Variants in DDIT3 observed in about 807,000 individuals in gnomAD.
The protein encoded by DDIT3 is DNA damage-inducible transcript 3 protein.
Under a neutral mutation model 17.6 loss-of-function variants are expected in DDIT3, and 14 were observed. The ratio of observed to expected loss-of-function variants is 0.80; its 90% CI spans 0.53 to 1.25. DDIT3 has a LOEUF of 1.25. DDIT3 is among the 50% of genes most tolerant of loss of function. The pLI is 0.00. For missense variants in DDIT3, 216 were observed against 202.7 expected (o/e 1.07, Z -0.40); for synonymous variants, 93 against 76.5 (o/e 1.22, Z -1.13).
chr12:57,517,143 G>A lies in DDIT3; in HGVS notation c.176C>T (p.Ser59Phe). The change falls in exon 4 of 4, where the codon TCT becomes TTT. Residue 59 changes from serine (S) to phenylalanine (F), a missense_variant. Transcript: ENST00000346473. The stretch of plus-strand genomic sequence containing the variant: ...CTCCTCCTCAGTCAGCCAAGCCAGA[G>A]AAGCAGGGTCAAGAGTGGTGAAGAT... ...SKIFTTLDPA[S>F]LAWLTEEEPE... 6.2e-7 allele frequency: 1 copy of A among 1,612,014 alleles called. No individual in the cohort carries two copies.
rs749543200 is a variant in DDIT3, at chr12:57,517,298, T to C, written c.109A>G (p.Thr37Ala). 3 of 1,614,080 alleles carry C rather than the reference T, an allele frequency of 1.9e-6. No homozygotes were observed. Among genetic ancestry groups the C allele is most frequent in the Non-Finnish European group, 2.5e-6 (3 of 1,179,998 alleles). The change falls in exon 3 of 4, where the codon ACC becomes GCC. Residue 37 changes from threonine (T) to alanine (A), a missense_variant. Physicochemically the swap from Thr to Ala is moderately conservative, Grantham distance 58. Transcript: ENST00000346473. ...EVLSSDENGG[T>A]YVSPPGNEEE... ...TCATTTCCAGGAGGTGAAACATAGGTACCCCCATTTTCATCTGAAGACAGG... is the reference window on the plus strand; with the variant it reads ...TCATTTCCAGGAGGTGAAACATAGGCACCCCCATTTTCATCTGAAGACAGG...
In DDIT3 at chr12:57,516,772, A is replaced by C; in HGVS notation, c.*37T>G. On this transcript the variant is annotated 3_prime_UTR_variant, in exon 4 of 4. Coordinates refer to ENST00000346473, the MANE Select transcript of DDIT3 (RefSeq NM_004083.6). ...GTAGCCACTTCTGGGAAAGGTGGGT[A>C]GTGTGGCCCAAGTGGGGGACTGATG... 1 of 1,593,206 alleles carries C rather than the reference A, an allele frequency of 6.3e-7. No homozygotes were observed. The highest frequency in any genetic ancestry group is 8.5e-7 in the Non-Finnish European group (1 of 1,171,396).
rs1006328539 is a variant in DDIT3, at chr12:57,518,667, T to A, written c.-80-914A>T. ...AAAGTACTAGCAAATTTTAACTCAT[T>A]CCTTTTTTTCTGAGACGGGTCTCAC... On this transcript the variant is annotated intron_variant, in intron 1 of 3. Transcript: ENST00000346473. Among the ~76,000 whole-genome samples, 3 of 152,150 alleles carry A rather than the reference T, an allele frequency of 2.0e-5. No individual in the cohort carries two copies. The East Asian group carries it at 5.8e-4, about 29-fold the overall frequency.
At position 57,516,602 on chromosome 12, in the gene DDIT3, G is replaced by A. The variant is rs1877854369; in HGVS notation, c.*207C>T. 10 of 1,556,880 alleles carry A rather than the reference G, an allele frequency of 6.4e-6. No individual in the cohort carries two copies. The South Asian group carries it at 1.2e-4, about 19-fold the overall frequency. On this transcript the variant is annotated 3_prime_UTR_variant, in exon 4 of 4. Coordinates refer to ENST00000346473, the MANE Select transcript of DDIT3 (RefSeq NM_004083.6). ...AGTAAAAGACCTTGGCTCATAGAAA[G>A]TCACTTTAATAGATAGGGACAGTAA...
chr12:57,517,055 GCT>G lies in DDIT3; in HGVS notation c.262_263del (p.Ser88LeufsTer40). The part of the protein sequence containing the change: ...QSPHSPDSSQ[S>X]SLAQEEEEED... ...CCTCCTCTTCCTCCTGAGCCAGGGA[GCT>G]CTGACTGGAATCTGGAGAGTGAGGG... On this transcript the variant is annotated frameshift_variant, in exon 4 of 4. Transcript: ENST00000346473. LOFTEE classifies it high-confidence loss of function. 1 of 1,614,174 alleles carries G rather than the reference GCT, an allele frequency of 6.2e-7. No individual in the cohort carries two copies. The highest frequency in any genetic ancestry group is 8.5e-7 in the Non-Finnish European group (1 of 1,180,034).
chr12:57,517,649 T>A, intron 2 of DDIT3, 57 bp downstream of exon 2: 1 of 610,020 alleles, frequency 1.6e-6, no homozygotes, highest in Non-Finnish European at 2.9e-6. Context: ...TTTTAACATC[T>A]AAAATATTTA....
rs1231434103 is a variant in DDIT3 at position 57,516,922 on chromosome 12, G to C, written c.397C>G (p.Gln133Glu). Residue 133 changes from glutamine to glutamate, a missense_variant, in exon 4 of 4, where the codon CAG becomes GAG. By Grantham distance (29) the Gln-to-Glu change is conservative. Coordinates refer to ENST00000346473, the MANE Select transcript of DDIT3 (RefSeq NM_004083.6). ...AGCCGTTCATTCTCTTCAGCTAGCT[G>C]TGCCACTTTCCTTTCATTCTCCTGT... ...KEQENERKVA[Q>E]LAEENERLKQ... is the part of the protein sequence containing the mutation. 1.2e-6 allele frequency: 2 copies of C among 1,614,144 alleles called. No homozygotes were observed. The highest frequency in any genetic ancestry group is 2.2e-5 in the South Asian group (2 of 91,080).
intron 2 of DDIT3, 25 bp from the exon 3 acceptor site, chr12:57,517,463 G>A: frequency 6.3e-7 from 1 of 1,600,000 alleles, no homozygotes; most frequent in Non-Finnish European, 8.5e-7. Context: ...GGAGTGGCTG[G>A]AACAAGCTCC....
At chr12:57,520,133 T>C (rs1878191481) in intron 1 of DDIT3, among the ~76,000 whole-genome samples, 1 of 152,210 alleles carries the variant, frequency 6.6e-6, no homozygotes, top group South Asian at 2.1e-4. Context: ...CGATGAGGCC[T>C]GAAGTTGGCT....
chr12:57,518,730 C>G (rs1020761885), intron 1 of DDIT3, among the ~76,000 whole-genome samples: 1 of 152,196 alleles, frequency 6.6e-6, no homozygotes, highest in Non-Finnish European at 1.5e-5. Flanking sequence ...GCGCAATCGG[C>G]TCACTGCAAC....
intron 1 of DDIT3, among the ~76,000 whole-genome samples, chr12:57,519,895 A>G (rs936273056): frequency 2.6e-5 from 4 of 152,198 alleles, no homozygotes; most frequent in Non-Finnish European, 5.9e-5. Flanking sequence ...CACCCCTCCC[A>G]AAGGCTTGTG....
intron 1 of DDIT3, among the ~76,000 whole-genome samples, 164 bp downstream of exon 1, chr12:57,520,254 G>A (rs562119822): frequency 1.2e-4 from 19 of 152,182 alleles, no homozygotes; most frequent in Non-Finnish European, 2.5e-4. Context: ...GTCGTCCGAA[G>A]CAATAGGGGT....
chr12:57,517,328 C>T lies in DDIT3; in HGVS notation c.79G>A (p.Glu27Lys). 1 of 1,614,028 alleles carries T rather than the reference C, an allele frequency of 6.2e-7. No individual in the cohort carries two copies. Among genetic ancestry groups the T allele is most frequent in the Non-Finnish European group, 8.5e-7 (1 of 1,179,990 alleles). ...CCATTTTCATCTGAAGACAGGACCT[C>T]TTGCAGGTCCTCATACCAGGCTTCC... is the stretch of plus-strand genomic sequence containing the variant. The part of the protein sequence containing the change: ...ELEAWYEDLQ[E>K]VLSSDENGGT... The change falls in exon 3 of 4, where the codon GAG (glutamate) becomes AAG (lysine). Residue 27 changes from glutamate to lysine, a missense_variant. Transcript: ENST00000346473.
At position 57,517,071 on chromosome 12, in the gene DDIT3, GGAGA is replaced by G; in HGVS notation, c.244_247del (p.Ser82GlnfsTer38). 1 of 1,614,168 alleles carries G rather than the reference GGAGA, an allele frequency of 6.2e-7. No individual in the cohort carries two copies. The highest frequency in any genetic ancestry group is 1.6e-4 in the Middle Eastern group (1 of 6,062). On this transcript the variant is annotated frameshift_variant, in exon 4 of 4. Transcript: ENST00000346473. LOFTEE classifies it high-confidence loss of function. ...AGCCAGGGAGCTCTGACTGGAATCT[GGAGA>G]GTGAGGGCTCTGGGAGGTGCTTGTG...
Position 57,517,095 on chromosome 12 carries a change from C to T in DDIT3, c.224G>A (p.Ser75Asn). 1 of 1,614,118 alleles carries T rather than the reference C, an allele frequency of 6.2e-7. No homozygotes were observed. Among genetic ancestry groups the T allele is most frequent in the Non-Finnish European group, 8.5e-7 (1 of 1,180,000 alleles). ...TGGAGAGTGAGGGCTCTGGGAGGTGCTTGTGACCTCTGCTGGTTCTGGCTC... is the reference window on the plus strand; with the variant it reads ...TGGAGAGTGAGGGCTCTGGGAGGTGTTTGTGACCTCTGCTGGTTCTGGCTC... ...EEEPEPAEVTSTSQSPHSPDS... is the reference protein window; with the variant it reads ...EEEPEPAEVTNTSQSPHSPDS... Residue 75 changes from serine (S) to asparagine (N), a missense_variant, in exon 4 of 4, where the codon AGC (serine) becomes AAC (asparagine). Ser to Asn is a conservative substitution (Grantham distance 46, BLOSUM62 1). Coordinates refer to ENST00000346473, the MANE Select transcript of DDIT3 (RefSeq NM_004083.6).
At position 57,516,974 on chromosome 12, in the gene DDIT3, A is replaced by G. The variant is rs1184440645; in HGVS notation, c.345T>C (p.Ala115=). 1 of 1,613,646 alleles carries G rather than the reference A, an allele frequency of 6.2e-7. No homozygotes were observed. The highest frequency in any genetic ancestry group is 1.3e-5 in the African/African-American group (1 of 74,818). ...RKQSGHSPAR[A]GKQRMKEKEQ... ...CTTTCTCCTTCATGCGCTGCTTTCCAGCCCGGGCTGGGGAATGACCACTCT... is the reference window on the plus strand; with the variant it reads ...CTTTCTCCTTCATGCGCTGCTTTCCGGCCCGGGCTGGGGAATGACCACTCT... The change falls in exon 4 of 4, where the codon GCT becomes GCC. Residue 115 remains alanine, a synonymous_variant. Coordinates refer to ENST00000346473, the MANE Select transcript of DDIT3 (RefSeq NM_004083.6).
Position 57,516,766 on chromosome 12 carries a change from G to A in DDIT3, c.*43C>T. The A allele has an allele frequency of 6.3e-7, 1 of 1,588,908 alleles. No homozygotes were observed. The highest frequency in any genetic ancestry group is 1.1e-5 in the South Asian group (1 of 88,036). On this transcript the variant is annotated 3_prime_UTR_variant, in exon 4 of 4. Transcript: ENST00000346473. ...TAGTCAGTAGCCACTTCTGGGAAAG[G>A]TGGGTAGTGTGGCCCAAGTGGGGGA...
chr12:57,516,626 A>G lies in DDIT3; in HGVS notation c.*183T>C. 6 of 1,537,778 alleles carry G rather than the reference A, an allele frequency of 3.9e-6. No individual in the cohort carries two copies. The highest frequency in any genetic ancestry group is 5.2e-6 in the Non-Finnish European group (6 of 1,147,872). On this transcript the variant is annotated 3_prime_UTR_variant, in exon 4 of 4. Transcript: ENST00000346473. Reference sequence around the variant, plus strand: ...AGTCACTTTAATAGATAGGGACAGTAATAAATAAATGTACAATCTCTATAT... The same window carrying G: ...AGTCACTTTAATAGATAGGGACAGTGATAAATAAATGTACAATCTCTATAT...
At chr12:57,517,242 C>T in intron 3 of DDIT3, 27 bp downstream of exon 3, 7 of 1,613,460 alleles carry the variant, frequency 4.3e-6, no homozygotes, top group Admixed American at 1.7e-5. Flanking sequence ...TAACATCCCC[C>T]TTTAGCTTTA....
Sources: allele counts gnomAD v4.1 joint callset (sites outside exome capture counted in the v4.1 genomes callset), GRCh38; gene constraint gnomAD v4.1.1; transcripts MANE v1.5; gene names NCBI Gene and HGNC (gene_info 2026-07-23, HGNC 2026-07-21).